NCR1: variants seen among roughly 807,000 people sequenced by gnomAD.
NCR1 encodes the protein NK cell-activating receptor.
NCR1 carries 30 observed loss-of-function variants against 32.5 expected under a neutral mutation model. The ratio of observed to expected loss-of-function variants is 0.92; its 90% CI spans 0.69 to 1.25. The LOEUF (loss-of-function observed/expected upper bound fraction) is 1.25, where lower values mean the gene tolerates loss of function less well. Among genes scored for constraint, NCR1 ranks in the 50% most tolerant of loss-of-function variants. The pLI is 0.00. For synonymous variants in NCR1, 169 were observed against 143.4 expected (o/e 1.18, Z -1.28); for missense variants, 369 against 380.7 (o/e 0.97, Z 0.26).
downstream of NCR1, among the ~76,000 whole-genome samples, chr19:54,918,460 G>C (rs2068178628): frequency 6.6e-6 from 1 of 152,070 alleles, no homozygotes; most frequent in Non-Finnish European, 1.5e-5. Flanking sequence ...AGTAAGTAAA[G>C]ACAGGGTTTC....
the NCR1 span, chr19:54,923,543 G>C: frequency 1.5e-6 from 1 of 653,490 alleles, no homozygotes; most frequent in Non-Finnish European, 2.7e-6. Context: ...TTATCCCTGT[G>C]AGAAAGTACA....
At chr19:54,915,523 G>C (rs1278663426), downstream of NCR1, among the ~76,000 whole-genome samples, 1 of 152,082 alleles carries the variant, frequency 6.6e-6, no homozygotes, top group Non-Finnish European at 1.5e-5. Context: ...GCAGTGGCTT[G>C]CACCCGTAAT....
At chr19:54,903,308 G>GTA (rs149021601), upstream of NCR1, among the ~76,000 whole-genome samples, 489 of 126,460 alleles carry the variant, frequency 3.9e-3, 3 homozygotes, top group African/African-American at 0.013. Flanking sequence ...ATACGTATAT[G>GTA]TATACATACA....
At chr19:54,911,124 A>G (rs8112412) in intron 5 of NCR1, among the ~76,000 whole-genome samples, 99,959 of 151,724 alleles carry the variant, frequency 0.66, 35,095 homozygotes, top group Non-Finnish European at 0.81. Context: ...AGGCAGGTGG[A>G]TCATGAGGTC....
the NCR1 span, chr19:54,934,371 G>T: frequency 2.0e-6 from 2 of 999,034 alleles, no homozygotes; most frequent in Non-Finnish European, 3.2e-6. The surrounding 1 kb of genome is among the most constrained non-coding windows in gnomAD (Gnocchi z 6.7). Context: ...CGGGCCTGAA[G>T]CAGGTGTTTA....
chr19:54,927,730 T>C, the NCR1 span: 1 of 1,614,102 alleles, frequency 6.2e-7, no homozygotes, highest in Non-Finnish European at 8.5e-7. Context: ...GGAGAGCAGA[T>C]CCAAGATGCT....
In NCR1 at chr19:54,906,153, C is replaced by G; in HGVS notation, c.-35C>G. On this transcript the variant is annotated 5_prime_UTR_variant, in exon 1 of 7. Transcript: ENST00000291890. ...CTCCCTGGCCCGCCCGGCTCAGTCC[C>G]CACTGCTCAGCACTAGGCCGGCAGA... 1 of 1,614,020 alleles carries G rather than the reference C, an allele frequency of 6.2e-7. No individual in the cohort carries two copies.
downstream of NCR1, among the ~76,000 whole-genome samples, chr19:54,914,141 C>T (rs564899123): frequency 2.0e-5 from 3 of 147,964 alleles, no homozygotes; most frequent in South Asian, 6.3e-4. Context: ...CTTCTAACCA[C>T]AGAATTATTC....
downstream of NCR1, among the ~76,000 whole-genome samples, chr19:54,914,164 CTT>C (rs533441878): frequency 6.4e-3 from 788 of 124,070 alleles, 9 homozygotes; most frequent in African/African-American, 0.025. Flanking sequence ...TCTTCTCTTC[CTT>C]TTTTTTTTTT....
At chr19:54,936,606 G>C in the NCR1 span, among the ~76,000 whole-genome samples, 2 of 151,290 alleles carry the variant, frequency 1.3e-5, no homozygotes, top group Non-Finnish European at 2.9e-5. Flanking sequence ...AGGATAACCT[G>C]AGGTCAGGAG....
the NCR1 span, among the ~76,000 whole-genome samples, chr19:54,930,938 G>T: frequency 6.6e-6 from 1 of 151,916 alleles, no homozygotes; most frequent in African/African-American, 2.4e-5. Context: ...CAGGAGAATC[G>T]CTTGAATCCG....
chr19:54,915,391 A>G (rs1851168053), downstream of NCR1, among the ~76,000 whole-genome samples: 2 of 151,970 alleles, frequency 1.3e-5, no homozygotes, highest in Non-Finnish European at 2.9e-5. Flanking sequence ...ACGCCCTCCC[A>G]TTATTCTGGT....
the NCR1 span, among the ~76,000 whole-genome samples, chr19:54,931,480 G>A: frequency 2.6e-5 from 4 of 151,556 alleles, no homozygotes; most frequent in South Asian, 2.1e-4. Context: ...ACCTGAGGTC[G>A]GGAGTTCAAG....
upstream of NCR1, among the ~76,000 whole-genome samples, chr19:54,903,482 A>G (rs373004357): frequency 4.4e-3 from 590 of 134,136 alleles, 15 homozygotes; most frequent in South Asian, 0.015. Context: ...GGATACATGT[A>G]TGTATATACA....
chr19:54,914,467 T>C (rs2068092278), downstream of NCR1, among the ~76,000 whole-genome samples: 2 of 152,076 alleles, frequency 1.3e-5, no homozygotes, highest in African/African-American at 2.4e-5. Context: ...GCCTCCTGAA[T>C]AGCTGGGATT....
At chr19:54,929,987 C>T in the NCR1 span, among the ~76,000 whole-genome samples, 2 of 151,250 alleles carry the variant, frequency 1.3e-5, no homozygotes, top group African/African-American at 4.9e-5. Context: ...CGGTGGCGGG[C>T]ATCTGTAGTC....
chr19:54,903,407 T>C (rs1484717540), upstream of NCR1, among the ~76,000 whole-genome samples: 2 of 145,690 alleles, frequency 1.4e-5, no homozygotes, highest in East Asian at 4.0e-4. Context: ...TATATGTATG[T>C]ATACACGCAT....
chr19:54,936,262 T>A, the NCR1 span: 1 of 1,612,764 alleles, frequency 6.2e-7, no homozygotes, highest in Non-Finnish European at 8.5e-7. Context: ...GAGACCCACC[T>A]CAGGTACTGC....
At chr19:54,903,399 T>TAC (rs1569535593), upstream of NCR1, among the ~76,000 whole-genome samples, 1 of 139,702 alleles carries the variant, frequency 7.2e-6, no homozygotes, top group South Asian at 2.2e-4. Context: ...CATATATGTA[T>TAC]ATGTATGTAT....
Sources: allele counts gnomAD v4.1 joint callset (sites outside exome capture counted in the v4.1 genomes callset), GRCh38; gene constraint gnomAD v4.1.1; non-coding constraint Gnocchi (gnomAD v3.1); transcripts MANE v1.5; gene names NCBI Gene and HGNC (gene_info 2026-07-23, HGNC 2026-07-21).